HS6ST1: variants seen among roughly 807,000 people sequenced by gnomAD.
The protein encoded by HS6ST1 is heparan-sulfate 6-O-sulfotransferase 1.
A neutral mutation model predicts 25.2 loss-of-function variants in HS6ST1; 3 were observed. The observed-to-expected ratio is 0.12, with a 90% CI of 0.05 to 0.31. The LOEUF is 0.31. Among genes scored for constraint, HS6ST1 ranks in the 10% least tolerant of loss-of-function variants. The pLI is 1.00. For missense variants in HS6ST1, 310 were observed against 609.6 expected (o/e 0.51, Z 5.18); for synonymous variants, 204 against 275.1 (o/e 0.74, Z 2.56).
intron 1 of HS6ST1, among the ~76,000 whole-genome samples, chr2:128,307,081 A>C (rs1694224250): frequency 6.6e-6 from 1 of 151,886 alleles, no homozygotes; most frequent in African/African-American, 2.4e-5. Context: ...CTCTGGTTTT[A>C]GGCGGTTTTA....
intron 1 of HS6ST1, among the ~76,000 whole-genome samples, chr2:128,310,068 C>T (rs1694265532): frequency 6.6e-6 from 1 of 152,192 alleles, no homozygotes. Flanking sequence ...TGAGACCCAC[C>T]GGCTCCAGCC....
At chr2:128,308,269 T>C (rs1694240520) in intron 1 of HS6ST1, among the ~76,000 whole-genome samples, 1 of 152,036 alleles carries the variant, frequency 6.6e-6, no homozygotes, top group Admixed American at 6.5e-5. Context: ...AAGCCTGCAG[T>C]GGGAACAGAG....
intron 1 of HS6ST1, among the ~76,000 whole-genome samples, chr2:128,292,098 G>A (rs1214292871): frequency 6.6e-6 from 1 of 152,238 alleles, no homozygotes; most frequent in Non-Finnish European, 1.5e-5. Flanking sequence ...GGGCAACAGT[G>A]AGGAGGGTGA....
intron 1 of HS6ST1, among the ~76,000 whole-genome samples, chr2:128,310,324 C>T (rs1212986333): frequency 6.6e-6 from 1 of 152,180 alleles, no homozygotes; most frequent in East Asian, 1.9e-4. Flanking sequence ...AGCTGGGCCC[C>T]AGCCCCAGCC....
chr2:128,309,670 G>C (rs914322296), intron 1 of HS6ST1, among the ~76,000 whole-genome samples: 1 of 152,264 alleles, frequency 6.6e-6, no homozygotes, highest in Non-Finnish European at 1.5e-5. Context: ...CTCCTGTTGG[G>C]CCTTTTAACG....
chr2:128,314,325 A>G (rs916322405), intron 1 of HS6ST1, among the ~76,000 whole-genome samples: 1 of 152,174 alleles, frequency 6.6e-6, no homozygotes, highest in African/African-American at 2.4e-5. Flanking sequence ...AGTCACAGGG[A>G]AAGGGCAGGG....
intron 1 of HS6ST1, among the ~76,000 whole-genome samples, chr2:128,297,735 G>A (rs1694061300): frequency 6.6e-6 from 1 of 152,212 alleles, no homozygotes. Flanking sequence ...TCAGGAGGCT[G>A]AGGCACGAGA....
intron 1 of HS6ST1, among the ~76,000 whole-genome samples, chr2:128,292,937 G>A (rs1693978319): frequency 6.6e-6 from 1 of 152,114 alleles, no homozygotes; most frequent in South Asian, 2.1e-4. Context: ...CCTCCCACTT[G>A]TCAGCCTCCC....
In HS6ST1 at chr2:128,268,069, T is replaced by A; in HGVS notation, c.*93A>T. On this transcript the variant is annotated 3_prime_UTR_variant, in exon 2 of 2. Coordinates refer to ENST00000259241, the MANE Select transcript of HS6ST1 (RefSeq NM_004807.3). ...CTACCTCTGTGGAGCAGGTTTGGGA[T>A]GCTCATCCCTTGACAGTCTTGGGTG... 1 of 881,812 alleles carries A rather than the reference T, an allele frequency of 1.1e-6. No individual in the cohort carries two copies. The highest frequency in any genetic ancestry group is 1.8e-6 in the Non-Finnish European group (1 of 557,000). 54.6% of individuals were successfully genotyped at this position (881,812 alleles called of 1,614,324 possible).
chr2:128,288,925 A>G (rs556853120), intron 1 of HS6ST1, among the ~76,000 whole-genome samples: 57 of 152,230 alleles, frequency 3.7e-4, no homozygotes, highest in African/African-American at 1.3e-3. Flanking sequence ...AACTCATGTC[A>G]GGGTCCGAGG....
At chr2:128,281,265 T>TG (rs1242620980) in intron 1 of HS6ST1, among the ~76,000 whole-genome samples, 1 of 151,612 alleles carries the variant, frequency 6.6e-6, no homozygotes, top group African/African-American at 2.4e-5. Context: ...GCATGGGGGG[T>TG]GGGGGTGCCT....
chr2:128,301,224 G>T (rs1394035422), intron 1 of HS6ST1, among the ~76,000 whole-genome samples: 1 of 151,772 alleles, frequency 6.6e-6, no homozygotes, highest in African/African-American at 2.4e-5. Flanking sequence ...GTTCCCGGGG[G>T]CTGCGTAGCT....
chr2:128,294,208 C>T (rs947087625), intron 1 of HS6ST1, among the ~76,000 whole-genome samples: 2 of 152,234 alleles, frequency 1.3e-5, no homozygotes, highest in East Asian at 1.9e-4. Flanking sequence ...TTCTGTCATA[C>T]ACGCCCTGTG....
intron 1 of HS6ST1, among the ~76,000 whole-genome samples, chr2:128,276,239 C>T (rs1280674527): frequency 2.0e-5 from 3 of 152,080 alleles, no homozygotes; most frequent in Non-Finnish European, 2.9e-5. Flanking sequence ...TCAATTCTCC[C>T]GCCTCAGCCT....
chr2:128,296,448 A>G (rs147560012), intron 1 of HS6ST1, among the ~76,000 whole-genome samples: 122 of 152,394 alleles, frequency 8.0e-4, no homozygotes, highest in Non-Finnish European at 1.3e-3. Flanking sequence ...ACATAATCTT[A>G]TATGTAGATA....
In HS6ST1 at chr2:128,318,857, C is replaced by A. The variant is rs1477655687; in HGVS notation, c.-294G>T. ...CAGCCCGCTCCGCTCCACTCCGCGCCGAGAACGCTCTGCGCCGCCCCGCGC... is the reference window on the plus strand; with the variant it reads ...CAGCCCGCTCCGCTCCACTCCGCGCAGAGAACGCTCTGCGCCGCCCCGCGC... On this transcript the variant is annotated 5_prime_UTR_variant, in exon 1 of 2. Transcript: ENST00000259241. This position sits in a 1 kb window ranked among gnomAD's most constrained non-coding sequence, Gnocchi z 5.7. 6.8e-6 allele frequency among the ~76,000 whole-genome samples: 1 copy of A among 147,936 alleles called. No homozygotes were observed.
At chr2:128,296,030 G>T (rs1225291736) in intron 1 of HS6ST1, among the ~76,000 whole-genome samples, 1 of 152,250 alleles carries the variant, frequency 6.6e-6, no homozygotes, top group Non-Finnish European at 1.5e-5. Context: ...CTTCATAAGA[G>T]AAGACATGAG....
intron 1 of HS6ST1, among the ~76,000 whole-genome samples, chr2:128,312,632 G>A (rs1442090583): frequency 6.6e-6 from 1 of 152,184 alleles, no homozygotes; most frequent in African/African-American, 2.4e-5. Context: ...GCGACATGTG[G>A]GTGACTGGGC....
intron 1 of HS6ST1, among the ~76,000 whole-genome samples, chr2:128,317,729 G>T (rs1045580840): frequency 2.6e-5 from 4 of 152,256 alleles, no homozygotes; most frequent in Non-Finnish European, 5.9e-5. Flanking sequence ...AGCAGGTAAG[G>T]TGGCCCGAGG....
Sources: allele counts gnomAD v4.1 joint callset (sites outside exome capture counted in the v4.1 genomes callset), GRCh38; gene constraint gnomAD v4.1.1; non-coding constraint Gnocchi (gnomAD v3.1); transcripts MANE v1.5; gene names NCBI Gene and HGNC (gene_info 2026-07-23, HGNC 2026-07-21).